Variants in IL1RAPL2 observed in about 807,000 individuals in gnomAD.
IL1RAPL2 encodes X-linked interleukin-1 receptor accessory protein-like 2.
IL1RAPL2 carries 3 observed loss-of-function variants against 44.1 expected under a neutral mutation model. That is an observed-to-expected ratio of 0.07 (90% CI 0.03 to 0.18). The LOEUF is 0.18. IL1RAPL2 is among the 10% of genes least tolerant of loss of function. The pLI, the probability that IL1RAPL2 is intolerant of heterozygous loss-of-function variation, is 1.00. For missense variants in IL1RAPL2, 391 were observed against 496.4 expected (o/e 0.79, Z 2.02); for synonymous variants, 181 against 178.8 (o/e 1.01, Z -0.10).
intron 2 of IL1RAPL2, among the ~76,000 whole-genome samples, chrX:105,084,398 G>A (rs952488334): frequency 3.5e-5 from 4 of 112,998 alleles, no homozygotes; most frequent in African/African-American, 6.4e-5. Context: ...CCAAGTCCCT[G>A]TAAGCCAACC....
chrX:105,227,199 T>C (rs2034024996), intron 3 of IL1RAPL2, among the ~76,000 whole-genome samples: 1 of 110,687 alleles, frequency 9.0e-6, no homozygotes, highest in South Asian at 3.9e-4. Context: ...TGTGCACATG[T>C]ACCCTAAAAC....
intron 2 of IL1RAPL2, among the ~76,000 whole-genome samples, chrX:105,011,776 T>A (rs1413004335): frequency 1.8e-5 from 2 of 111,111 alleles, no homozygotes; most frequent in African/African-American, 6.5e-5. Flanking sequence ...ATTTGTGTGC[T>A]AGTCCTTGTG....
intron 2 of IL1RAPL2, among the ~76,000 whole-genome samples, chrX:105,026,458 A>G (rs1237934612): frequency 9.1e-6 from 1 of 110,378 alleles, no homozygotes; most frequent in East Asian, 2.8e-4. Context: ...AAAATTAAAG[A>G]CTCCACCAAA....
At chrX:104,836,763 G>A (rs1921753895) in intron 2 of IL1RAPL2, among the ~76,000 whole-genome samples, 1 of 110,840 alleles carries the variant, frequency 9.0e-6, no homozygotes, top group South Asian at 3.9e-4. Flanking sequence ...GGATACACGT[G>A]CAAAGTGTGC....
chrX:105,741,023 C>T (rs1317374658), intron 8 of IL1RAPL2, among the ~76,000 whole-genome samples: 1 of 110,969 alleles, frequency 9.0e-6, no homozygotes, highest in Non-Finnish European at 1.9e-5. Flanking sequence ...TCTTATATTG[C>T]TTAAATGAAA....
chrX:105,303,209 G>A (rs1043640812), intron 5 of IL1RAPL2, among the ~76,000 whole-genome samples: 3 of 111,509 alleles, frequency 2.7e-5, no homozygotes, highest in African/African-American at 6.5e-5. Context: ...AATTGCGCCC[G>A]CAAATTAAAA....
chrX:104,920,852 A>G (rs771881900), intron 2 of IL1RAPL2, among the ~76,000 whole-genome samples: 16 of 110,267 alleles, frequency 1.5e-4, no homozygotes, highest in Non-Finnish European at 2.1e-4. Context: ...TTTCTGTGGA[A>G]AAGAACCAAA....
At chrX:105,060,585 CTTT>C (rs1161187469) in intron 2 of IL1RAPL2, among the ~76,000 whole-genome samples, 4 of 70,167 alleles carry the variant, frequency 5.7e-5, no homozygotes, top group African/African-American at 2.5e-4. Context: ...TTTTCTTTTT[CTTT>C]TTTTTTTTTT....
rs1468993024 is a variant in IL1RAPL2, at chrX:105,457,779, C to G, written c.698-26534C>G. Among the ~76,000 whole-genome samples the G allele has an allele frequency of 1.6e-4, 18 of 109,810 alleles. No individual in the cohort carries two copies. The Admixed American group carries it at 1.8e-3, about 11-fold the overall frequency. On this transcript the variant is annotated intron_variant, in intron 5 of 10. Transcript: ENST00000372582. ...CTATTGTAAATAATGCTGCTATAGACATTGGTGCAGAAATATCTCCTTGAG... is the reference window on the plus strand; with the variant it reads ...CTATTGTAAATAATGCTGCTATAGAGATTGGTGCAGAAATATCTCCTTGAG...
At chrX:105,419,031 T>C (rs1385405900) in intron 5 of IL1RAPL2, among the ~76,000 whole-genome samples, 1 of 111,863 alleles carries the variant, frequency 8.9e-6, no homozygotes. Flanking sequence ...CCACAAAAAC[T>C]AGATTGGTTT....
intron 2 of IL1RAPL2, among the ~76,000 whole-genome samples, chrX:104,863,650 C>G (rs1157198611): frequency 8.9e-6 from 1 of 112,127 alleles, no homozygotes; most frequent in Non-Finnish European, 1.9e-5. Flanking sequence ...GCTCATGGAA[C>G]AGCTGTTAAT....
At chrX:105,684,696 T>C (rs1206670409) in intron 6 of IL1RAPL2, among the ~76,000 whole-genome samples, 1 of 112,079 alleles carries the variant, frequency 8.9e-6, no homozygotes, top group Non-Finnish European at 1.9e-5. Context: ...CAGCATGGCA[T>C]TTGAGCTCTG....
chrX:105,429,657 A>C (rs1040312765), intron 5 of IL1RAPL2, among the ~76,000 whole-genome samples: 3 of 111,718 alleles, frequency 2.7e-5, no homozygotes, highest in African/African-American at 9.7e-5. Context: ...AAAGGGTCAG[A>C]TAGTAAAATA....
At chrX:105,492,192 G>C (rs2036325086) in intron 6 of IL1RAPL2, among the ~76,000 whole-genome samples, 1 of 111,682 alleles carries the variant, frequency 9.0e-6, no homozygotes, top group Non-Finnish European at 1.9e-5. Context: ...AGTAGTAGTA[G>C]ATATTGTTGA....
intron 2 of IL1RAPL2, among the ~76,000 whole-genome samples, chrX:105,068,808 C>A (rs2032170046): frequency 8.9e-6 from 1 of 111,952 alleles, no homozygotes; most frequent in Non-Finnish European, 1.9e-5. Flanking sequence ...TGGGATGCTG[C>A]AAAACACGTA....
chrX:105,719,781 CACAGA>C (rs1413077718), intron 7 of IL1RAPL2, among the ~76,000 whole-genome samples: 1 of 107,699 alleles, frequency 9.3e-6, no homozygotes. Flanking sequence ...AATTGCCTGA[CACAGA>C]ACAGATTTTC....
intron 2 of IL1RAPL2, among the ~76,000 whole-genome samples, chrX:104,849,204 AT>A (rs1368737742): frequency 9.5e-6 from 1 of 105,682 alleles, no homozygotes; most frequent in Non-Finnish European, 2.0e-5. Context: ...CAATTTTTGT[AT>A]TTTTTGTAGA....
chrX:104,824,442 T>C (rs1288134064), intron 2 of IL1RAPL2, among the ~76,000 whole-genome samples: 1 of 111,952 alleles, frequency 8.9e-6, no homozygotes, highest in Non-Finnish European at 1.9e-5. Flanking sequence ...TTCAATTGTT[T>C]GGAATACTTT....
chrX:105,140,966 G>C (rs1169660512), intron 2 of IL1RAPL2, among the ~76,000 whole-genome samples: 1 of 111,166 alleles, frequency 9.0e-6, no homozygotes, highest in Non-Finnish European at 1.9e-5. Flanking sequence ...GAATGACCTG[G>C]CCAGAATAGA....
Sources: allele counts gnomAD v4.1 joint callset (sites outside exome capture counted in the v4.1 genomes callset), GRCh38; gene constraint gnomAD v4.1.1; transcripts MANE v1.5; gene names NCBI Gene and HGNC (gene_info 2026-07-23, HGNC 2026-07-21).